ZNF486: variants seen among roughly 807,000 people sequenced by gnomAD.
ZNF486 encodes zinc finger protein 486.
ZNF486 carries 12 observed loss-of-function variants against 12.8 expected under a neutral mutation model. The observed-to-expected ratio is 0.94, with a 90% confidence interval of 0.60 to 1.52. The LOEUF (loss-of-function observed/expected upper bound fraction) is 1.52, where lower values mean the gene tolerates loss of function less well. Ranked by LOEUF, ZNF486 falls within the 40% of genes most tolerant of loss-of-function variation. The pLI is 0.00. For synonymous variants in ZNF486, 231 were observed against 184.9 expected (o/e 1.25, Z -2.02); for missense variants, 738 against 545.0 (o/e 1.35, Z -3.53).
At chr19:20,173,749 G>A (rs570430844) in intron 1 of ZNF486, among the ~76,000 whole-genome samples, 60 of 152,006 alleles carry the variant, frequency 3.9e-4, no homozygotes, top group African/African-American at 1.3e-3. Context: ...GGAGAATGGC[G>A]TGAACATGGG....
Position 20,200,091 on chromosome 19 carries a change from T to C in ZNF486, c.*1989T>C, listed in dbSNP as rs1457355664. On this transcript the variant is annotated 3_prime_UTR_variant, in exon 4 of 4. Coordinates refer to ENST00000335117, the MANE Select transcript of ZNF486 (RefSeq NM_052852.4). ...ACTCCATCTCAAAAAAAAAAGTGTA[T>C]TTGTTTCCTTAAAAAAATTTTTCTG... 1 of 151,604 alleles carries C rather than the reference T, an allele frequency of 6.6e-6. No individual in the cohort carries two copies. The highest frequency in any genetic ancestry group is 2.4e-5 in the African/African-American group (1 of 41,372). 9.4% of individuals were successfully genotyped at this position (151,604 alleles called of 1,614,324 possible). A position where few individuals can be genotyped will look rare whatever the true frequency, so the allele number is the denominator to read the frequency against.
At chr19:20,171,079 A>G (rs1347315371) in intron 1 of ZNF486, among the ~76,000 whole-genome samples, 4 of 152,242 alleles carry the variant, frequency 2.6e-5, no homozygotes, top group Non-Finnish European at 5.9e-5. Context: ...AGGTGCTGTC[A>G]GAATTCAAAT....
intron 3 of ZNF486, among the ~76,000 whole-genome samples, chr19:20,190,985 G>A (rs557875741): frequency 1.3e-5 from 2 of 152,110 alleles, no homozygotes; most frequent in African/African-American, 4.8e-5. Flanking sequence ...ATTCAAATGA[G>A]AGCTGGTTCA....
At chr19:20,187,463 TTGG>T (rs1251291113) in intron 3 of ZNF486, among the ~76,000 whole-genome samples, 28 of 151,970 alleles carry the variant, frequency 1.8e-4, no homozygotes, top group Non-Finnish European at 3.8e-4. Flanking sequence ...TAGTTTTGTA[TTGG>T]TGCCTAAATT....
chr19:20,187,500 GTTTTTTTTT>G (rs57208523), intron 3 of ZNF486, among the ~76,000 whole-genome samples: 2 of 119,662 alleles, frequency 1.7e-5, no homozygotes, highest in Non-Finnish European at 3.4e-5. Context: ...ACCTCTTCAA[GTTTTTTTTT>G]TTTTTTTTTT....
At chr19:20,187,009 T>C (rs1286705847) in intron 3 of ZNF486, among the ~76,000 whole-genome samples, 1 of 151,872 alleles carries the variant, frequency 6.6e-6, no homozygotes, top group Non-Finnish European at 1.5e-5. Flanking sequence ...GGTCTTGAAC[T>C]CCTGACCTTG....
intron 1 of ZNF486, 23 bp from the exon 2 acceptor site, chr19:20,184,333 G>T (rs529252263): frequency 1.0e-5 from 12 of 1,186,954 alleles, no homozygotes; most frequent in Non-Finnish European, 1.4e-5. Context: ...TGGTGAAAAT[G>T]TGTGTGTGTG....
chr19:20,173,023 C>T (rs1442095655), intron 1 of ZNF486, among the ~76,000 whole-genome samples: 2 of 152,130 alleles, frequency 1.3e-5, no homozygotes, highest in Non-Finnish European at 2.9e-5. Context: ...AGATTGTTTA[C>T]TCTGTTGATA....
intron 3 of ZNF486, among the ~76,000 whole-genome samples, chr19:20,189,194 C>T (rs1300187617): frequency 1.3e-5 from 2 of 152,136 alleles, no homozygotes; most frequent in Non-Finnish European, 2.9e-5. Context: ...GCTTCAGCCT[C>T]CCAAGTAGCT....
intron 1 of ZNF486, among the ~76,000 whole-genome samples, chr19:20,181,500 C>T (rs1275501066): frequency 2.0e-5 from 3 of 150,008 alleles, no homozygotes; most frequent in South Asian, 4.2e-4. Context: ...GATCGCGCCA[C>T]TGCACTCCAG....
intron 2 of ZNF486, among the ~76,000 whole-genome samples, chr19:20,185,691 A>G (rs1338687915): frequency 2.0e-5 from 3 of 151,804 alleles, no homozygotes; most frequent in Non-Finnish European, 4.4e-5. Flanking sequence ...TAGAGGTGTG[A>G]GCCACTGCAA....
chr19:20,191,957 T>C (rs2089907455), intron 3 of ZNF486, among the ~76,000 whole-genome samples: 3 of 152,170 alleles, frequency 2.0e-5, no homozygotes, highest in African/African-American at 4.8e-5. Context: ...TTGCTTCACT[T>C]TTGTCAATAT....
chr19:20,191,744 T>G (rs1388788402), intron 3 of ZNF486, among the ~76,000 whole-genome samples: 1 of 152,130 alleles, frequency 6.6e-6, no homozygotes, highest in Admixed American at 6.6e-5. Flanking sequence ...TACTCCAGCC[T>G]GGGCAAAAGA....
In ZNF486 at chr19:20,185,346, T is replaced by A. The variant is rs139136811; in HGVS notation, c.158-641T>A. Among the ~76,000 whole-genome samples the A allele has an allele frequency of 7.0e-4, 106 of 152,046 alleles. 1 individual carries two copies. The highest frequency in any genetic ancestry group is 1.5e-3 in the Non-Finnish European group (100 of 67,958). ...CATATACTTGTATGTTAATTTTATG[T>A]TTTGCTAATTTGCTGAGTGTATTTG... On this transcript the variant is annotated intron_variant, in intron 2 of 3. Transcript: ENST00000335117.
At chr19:20,181,310 C>G (rs565717746) in intron 1 of ZNF486, among the ~76,000 whole-genome samples, 1 of 152,034 alleles carries the variant, frequency 6.6e-6, no homozygotes, top group South Asian at 2.1e-4. Flanking sequence ...GAGGCCAAGG[C>G]GGGCAGATCA....
chr19:20,199,694 G>A lies in ZNF486; in HGVS notation c.*1592G>A, dbSNP rs951512344. On this transcript the variant is annotated 3_prime_UTR_variant, in exon 4 of 4. Transcript: ENST00000335117. ...TTGCACTCCAGCCTGGGCAATAAGA[G>A]TGAAACTCTGTCTCCAGGAAAAAAA... 4.6e-5 allele frequency: 7 copies of A among 151,414 alleles called. No individual in the cohort carries two copies. The highest frequency in any genetic ancestry group is 1.7e-4 in the African/African-American group (7 of 41,106). 9.4% of individuals were successfully genotyped at this position (151,414 alleles called of 1,614,324 possible).
intron 1 of ZNF486, among the ~76,000 whole-genome samples, chr19:20,180,741 G>T (rs1555715430): frequency 6.6e-6 from 1 of 152,010 alleles, no homozygotes. Flanking sequence ...GGTCAGGCTG[G>T]TCTTGAACTC....
chr19:20,179,354 T>C (rs1275412959), intron 1 of ZNF486, among the ~76,000 whole-genome samples: 1 of 152,232 alleles, frequency 6.6e-6, no homozygotes, highest in Non-Finnish European at 1.5e-5. Context: ...TGTCTTGTCT[T>C]GACATATCTT....
At chr19:20,172,398 G>A (rs888222751) in intron 1 of ZNF486, among the ~76,000 whole-genome samples, 1 of 148,036 alleles carries the variant, frequency 6.8e-6, no homozygotes, top group Admixed American at 6.7e-5. Context: ...CTTCACCTTC[G>A]AGTGATTCTC....
Sources: gnomAD v4.1 joint callset for allele counts (sites outside exome capture counted in the v4.1 genomes callset) on GRCh38, gnomAD v4.1.1 for gene constraint, MANE v1.5 for transcripts, NCBI Gene and HGNC (gene_info 2026-07-23, HGNC 2026-07-21) for gene names.